POMZP3: variants seen among roughly 807,000 people sequenced by gnomAD.
The protein encoded by POMZP3 is POM121 and ZP3 fusion, also known as POM121 and ZP3 fusion protein.
A neutral mutation model predicts 19.8 loss-of-function variants in POMZP3; 10 were observed. The ratio of observed to expected loss-of-function variants is 0.51; its 90% CI spans 0.31 to 0.86. POMZP3 has a LOEUF of 0.86. Ranked by LOEUF, POMZP3 falls within the 40% of genes least tolerant of loss-of-function variation. The probability of loss-of-function intolerance (pLI) is 0.04; values close to 1 mark genes in which losing one functional copy is unlikely to be tolerated. For missense variants in POMZP3, 152 were observed against 228.1 expected (o/e 0.67, Z 2.15); for synonymous variants, 57 against 85.8 (o/e 0.66, Z 1.85).
At position 76,611,684 on chromosome 7, in the gene POMZP3, T is replaced by C. The variant is rs779648606; in HGVS notation, c.437+38A>G. 39 of 1,510,194 alleles carry C rather than the reference T, an allele frequency of 2.6e-5. 2 individuals are homozygous for C. The highest frequency in any genetic ancestry group is 3.5e-5 in the Non-Finnish European group (38 of 1,100,414). 93.5% of individuals were successfully genotyped at this position (1,510,194 alleles called of 1,614,324 possible). ...GGGGAAATAGACAAGGGGTCGCCGA[T>C]TCAGTTTCTACTCCAGTCACGGAGC... is the stretch of plus-strand genomic sequence containing the variant. On this transcript the variant is annotated intron_variant, in intron 5 of 6. Transcript: ENST00000310842.
chr7:76,615,324 AC>A lies in POMZP3; in HGVS notation c.345+2858del, dbSNP rs1471035979. Reference sequence around the variant, plus strand: ...CCTCTCCCCTAAGGAGCTATCGGTCACTGATCCGAGGGCCAGGACTCTTTTC... The same window carrying A: ...CCTCTCCCCTAAGGAGCTATCGGTCATGATCCGAGGGCCAGGACTCTTTTC... On this transcript the variant is annotated intron_variant, in intron 4 of 6. Transcript: ENST00000310842. Among the ~76,000 whole-genome samples the A allele has an allele frequency of 5.3e-5, 5 of 94,942 alleles. No individual in the cohort carries two copies. In the East Asian group the frequency reaches 1.0e-3, roughly 20 times the overall value. 62.3% of individuals were successfully genotyped at this position (94,942 alleles called of 152,430 possible).
At position 76,621,884 on chromosome 7, in the gene POMZP3, G is replaced by T. The variant is rs1247123855; in HGVS notation, c.228-3584C>A. Among the ~76,000 whole-genome samples, 15 of 131,184 alleles carry T rather than the reference G, an allele frequency of 1.1e-4. No individual in the cohort carries two copies. The Admixed American group carries it at 1.2e-3, about 10-fold the overall frequency. The allele number at this position is 131,184 out of a possible 152,430, so 86.1% of individuals were successfully genotyped here. ...GAACCCGGGAGGCGGAGCTTGCAGT[G>T]AGCCGAGATAGCGCTACTGCACTCC... On this transcript the variant is annotated intron_variant, in intron 3 of 6. Transcript: ENST00000310842.
At position 76,626,816 on chromosome 7, in the gene POMZP3, CG is replaced by C. The variant is rs1187403578; in HGVS notation, c.-261del. Reference sequence around the variant, plus strand: ...GGGCGGTGTGGAGCGCGGCGCCGGGCGGGCGGGCGGCGGCCAGGCCTATTCC... The same window carrying C: ...GGGCGGTGTGGAGCGCGGCGCCGGGCGGCGGGCGGCGGCCAGGCCTATTCC... On this transcript the variant is annotated 5_prime_UTR_variant, in exon 1 of 7. The change abolishes the stop of an existing upstream ORF in the 5' untranslated region. Coordinates refer to ENST00000310842, the MANE Select transcript of POMZP3 (RefSeq NM_012230.5). 40 of 855,660 alleles carry C rather than the reference CG, an allele frequency of 4.7e-5. 1 individual carries two copies. Among genetic ancestry groups the C allele is most frequent in the Non-Finnish European group, 4.2e-5 (26 of 626,350 alleles). The allele number at this position is 855,660 out of a possible 1,614,324, so 53.0% of individuals were successfully genotyped here. A position where few individuals can be genotyped will look rare whatever the true frequency, so the allele number is the denominator to read the frequency against.
In POMZP3 at chr7:76,611,565, T is replaced by G; in HGVS notation, c.464A>C (p.Asp155Ala). ...ACCTTTGTTACAGCATTGACAGATGTCAGCCAGGCCTTCCACTGGGAACCA... is the reference window on the plus strand; with the variant it reads ...ACCTTTGTTACAGCATTGACAGATGGCAGCCAGGCCTTCCACTGGGAACCA... ...NSWFPVEGLADICQCCNKGDC... is the reference protein window; with the variant it reads ...NSWFPVEGLAAICQCCNKGDC... The change falls in exon 6 of 7, where the codon GAC becomes GCC. Residue 155 changes from aspartate (D) to alanine (A), a missense_variant. By Grantham distance (126) the Asp-to-Ala change is moderately radical (BLOSUM62 -2). This residue lies in a region of POMZP3 where 65 missense variants were observed against 86.2 expected (regional missense o/e 0.75). Coordinates refer to ENST00000310842, the MANE Select transcript of POMZP3 (RefSeq NM_012230.5). 1 of 1,602,660 alleles carries G rather than the reference T, an allele frequency of 6.2e-7. No individual in the cohort carries two copies. The highest frequency in any genetic ancestry group is 1.3e-5 in the African/African-American group (1 of 74,144).
At chr7:76,619,271 C>T (rs1815415753) in intron 3 of POMZP3, among the ~76,000 whole-genome samples, 1 of 152,118 alleles carries the variant, frequency 6.6e-6, no homozygotes, top group African/African-American at 2.4e-5. Context: ...GCCTGTAATC[C>T]CAGCTACTGG....
chr7:76,623,550 A>G (rs1351926518), intron 3 of POMZP3, among the ~76,000 whole-genome samples: 1 of 148,070 alleles, frequency 6.8e-6, no homozygotes, highest in Non-Finnish European at 1.5e-5. Flanking sequence ...TGTAATCCCA[A>G]CACTTTGGGA....
intron 4 of POMZP3, among the ~76,000 whole-genome samples, chr7:76,616,615 T>G (rs62475916): frequency 1.1e-5 from 1 of 89,482 alleles, no homozygotes; most frequent in African/African-American, 4.5e-5. Flanking sequence ...TCAGCACTTT[T>G]GGAGGCCGAT....
At chr7:76,624,416 C>T (rs1222890553) in intron 3 of POMZP3, among the ~76,000 whole-genome samples, 1 of 150,670 alleles carries the variant, frequency 6.6e-6, no homozygotes, top group Non-Finnish European at 1.5e-5. Flanking sequence ...AAAACTATTC[C>T]ATTTTCATTA....
intron 1 of POMZP3, 198 bp from the exon 2 acceptor site, chr7:76,626,413 T>C: frequency 4.9e-6 from 3 of 610,336 alleles, no homozygotes; most frequent in Non-Finnish European, 8.6e-6. Flanking sequence ...AACAGCTGTC[T>C]CAACAATGGA....
rs555536098 is a variant in POMZP3, at chr7:76,621,726, G to A, written c.228-3426C>T. Among the ~76,000 whole-genome samples the A allele has an allele frequency of 1.9e-3, 292 of 151,848 alleles. 12 individuals carry two copies. The South Asian group carries it at 0.054, about 28-fold the overall frequency. On this transcript the variant is annotated intron_variant, in intron 3 of 6. Coordinates refer to ENST00000310842, the MANE Select transcript of POMZP3 (RefSeq NM_012230.5). Reference sequence around the variant, plus strand: ...GAGGCTGAGGCGGGCGGATCACGAGGTCAGGAGATCGAGACCATCCTGGCT... The same window carrying A: ...GAGGCTGAGGCGGGCGGATCACGAGATCAGGAGATCGAGACCATCCTGGCT...
At chr7:76,624,059 T>C (rs1754226) in intron 3 of POMZP3, among the ~76,000 whole-genome samples, 36,524 of 88,830 alleles carry the variant, frequency 0.41, 8,473 homozygotes, top group Middle Eastern at 0.64. Context: ...AGTAATTTTT[T>C]ATTTTGCATG....
At chr7:76,610,309 A>T in intron 6 of POMZP3, 94 bp from the exon 7 acceptor site, 1 of 1,166,754 alleles carries the variant, frequency 8.6e-7, no homozygotes, top group South Asian at 1.3e-5. Flanking sequence ...CTAAACTAAT[A>T]TGTTGTCTTT....
Position 76,626,916 on chromosome 7 carries a change from C to T in POMZP3, c.-360G>A, listed in dbSNP as rs935156728. On this transcript the variant is annotated 5_prime_UTR_variant, in exon 1 of 7. Transcript: ENST00000310842. ...TGCCCAGGTAACTGCCCATGAGGAG[C>T]AGTTCGGCAGGGTCAGGTCCTTCGA... 1 of 1,393,234 alleles carries T rather than the reference C, an allele frequency of 7.2e-7. No individual in the cohort carries two copies. Among genetic ancestry groups the T allele is most frequent in the African/African-American group, 1.6e-5 (1 of 64,482 alleles). 86.3% of individuals were successfully genotyped at this position (1,393,234 alleles called of 1,614,324 possible). A position where few individuals can be genotyped will look rare whatever the true frequency, so the allele number is the denominator to read the frequency against.
rs773479667 is a variant in POMZP3 at position 76,611,705 on chromosome 7, G to A, written c.437+17C>T. ...CCGATTCAGTTTCTACTCCAGTCAC[G>A]GAGCACCTGTCCTCACCTGTTGGAA... On this transcript the variant is annotated intron_variant, in intron 5 of 6. Coordinates refer to ENST00000310842, the MANE Select transcript of POMZP3 (RefSeq NM_012230.5). 1.2e-5 allele frequency: 18 copies of A among 1,462,088 alleles called. 2 individuals carry two copies. Among genetic ancestry groups the A allele is most frequent in the African/African-American group, 3.3e-5 (2 of 61,360 alleles). The allele number at this position is 1,462,088 out of a possible 1,614,324, so 90.6% of individuals were successfully genotyped here.
At position 76,626,276 on chromosome 7, in the gene POMZP3, C is replaced by T. The variant is rs886081601; in HGVS notation, c.-151-61G>A. On this transcript the variant is annotated intron_variant, in intron 1 of 6. Transcript: ENST00000310842. Reference sequence around the variant, plus strand: ...TATAAAAGAATGTCAAAATTTTAGACGGTTAAAAACCCACCAGTTAAGACA... The same window carrying T: ...TATAAAAGAATGTCAAAATTTTAGATGGTTAAAAACCCACCAGTTAAGACA... The T allele has an allele frequency of 3.6e-6, 5 of 1,403,240 alleles. No homozygotes were observed. In the African/African-American group the frequency reaches 5.7e-5, roughly 16 times the overall value. 86.9% of individuals were successfully genotyped at this position (1,403,240 alleles called of 1,614,324 possible). A position where few individuals can be genotyped will look rare whatever the true frequency, so the allele number is the denominator to read the frequency against.
At chr7:76,625,254 A>G (rs1815810791) in intron 3 of POMZP3, among the ~76,000 whole-genome samples, 1 of 150,382 alleles carries the variant, frequency 6.6e-6, no homozygotes, top group Admixed American at 6.7e-5. Context: ...ACACGTTTCT[A>G]CAGAAGCATG....
intron 4 of POMZP3, among the ~76,000 whole-genome samples, chr7:76,613,525 T>TTTTTTTTTTTTTTC (rs1212727131): frequency 2.7e-5 from 2 of 73,420 alleles, no homozygotes; most frequent in African/African-American, 1.4e-4. Flanking sequence ...TTTTTTTTTT[T>TTTTTTTTTTTTTTC]CTGAGACGGA....
intron 4 of POMZP3, 74 bp from the exon 5 acceptor site, chr7:76,611,887 T>A: frequency 6.5e-7 from 1 of 1,526,974 alleles, no homozygotes; most frequent in South Asian, 1.2e-5. Flanking sequence ...AGTTCTCTTA[T>A]AACCCTCAAC....
In POMZP3 at chr7:76,626,741, G is replaced by A. The variant is rs376804579; in HGVS notation, c.-185C>T. ...AGGCCTCCCGGAGGGTCGGAGAAGA[G>A]GAGTGGGGAGAGAGGGGTAAAAGTG... On this transcript the variant is annotated 5_prime_UTR_variant, in exon 1 of 7. Coordinates refer to ENST00000310842, the MANE Select transcript of POMZP3 (RefSeq NM_012230.5). 1.3e-5 allele frequency: 18 copies of A among 1,396,954 alleles called. No homozygotes were observed. The East Asian group carries it at 4.5e-4, about 35-fold the overall frequency. 86.5% of individuals were successfully genotyped at this position (1,396,954 alleles called of 1,614,324 possible).
Sources: allele counts gnomAD v4.1 joint callset (sites outside exome capture counted in the v4.1 genomes callset), GRCh38; gene constraint gnomAD v4.1.1; regional missense constraint gnomAD v4.1.1; transcripts MANE v1.5; gene names NCBI Gene and HGNC (gene_info 2026-07-23, HGNC 2026-07-21).